Variants in SPOCK3 observed in about 807,000 individuals in gnomAD.
SPOCK3 encodes the protein testican-3.
Under a neutral mutation model 56.6 loss-of-function variants are expected in SPOCK3, and 30 were observed. The ratio of observed to expected loss-of-function variants is 0.53; its 90% CI spans 0.40 to 0.72. The LOEUF (loss-of-function observed/expected upper bound fraction) is 0.72. SPOCK3 is among the 30% of genes least tolerant of loss of function. The pLI is 0.00. For missense variants in SPOCK3, 527 were observed against 530.0 expected, an observed-to-expected ratio of 0.99 and a Z score of 0.06; for synonymous variants, 196 against 183.3, an observed-to-expected ratio of 1.07 and a Z score of -0.56.
intron 2 of SPOCK3, among the ~76,000 whole-genome samples, chr4:167,065,059 A>AAAAAAAAAAAAAAAAAAAC (rs1755994414): frequency 6.8e-6 from 1 of 146,200 alleles, no homozygotes; most frequent in Non-Finnish European, 1.5e-5. Context: ...AAAAAAAAAA[A>AAAAAAAAAAAAAAAAAAAC]AGTCAAACGC....
At chr4:166,966,046 C>G (rs1399736313) in intron 4 of SPOCK3, among the ~76,000 whole-genome samples, 1 of 152,032 alleles carries the variant, frequency 6.6e-6, no homozygotes, top group Non-Finnish European at 1.5e-5. Flanking sequence ...GTTACTGACT[C>G]CATAGTTTTG....
At chr4:166,793,116 G>A (rs201670950) in intron 6 of SPOCK3, among the ~76,000 whole-genome samples, 132 of 152,182 alleles carry the variant, frequency 8.7e-4, no homozygotes, top group African/African-American at 3.0e-3. Context: ...TTTAGAGGAC[G>A]TTGTTACTGC....
chr4:166,992,504 CCT>C (rs940025434), intron 4 of SPOCK3, among the ~76,000 whole-genome samples: 4 of 151,990 alleles, frequency 2.6e-5, no homozygotes, highest in Non-Finnish European at 5.9e-5. Flanking sequence ...CAGCTAGTTT[CCT>C]CTTTCTCATA....
chr4:167,037,893 TTTG>T (rs757454587), intron 3 of SPOCK3, among the ~76,000 whole-genome samples: 95 of 152,312 alleles, frequency 6.2e-4, no homozygotes, highest in African/African-American at 2.2e-3. Context: ...TAAAAAACTT[TTTG>T]TTGTTGTTGT....
chr4:167,036,272 G>A (rs1301566056), intron 3 of SPOCK3, among the ~76,000 whole-genome samples: 1 of 152,094 alleles, frequency 6.6e-6, no homozygotes, highest in African/African-American at 2.4e-5. Context: ...TGACTTCACA[G>A]TGCCCTTATC....
At chr4:166,817,258 A>G (rs573597012) in intron 6 of SPOCK3, among the ~76,000 whole-genome samples, 1 of 152,170 alleles carries the variant, frequency 6.6e-6, no homozygotes, top group South Asian at 2.1e-4. Flanking sequence ...TATCTTTTGT[A>G]ATGGGCTGTA....
intron 6 of SPOCK3, among the ~76,000 whole-genome samples, chr4:166,855,748 G>A (rs897368547): frequency 1.3e-5 from 2 of 152,042 alleles, no homozygotes; most frequent in African/African-American, 4.8e-5. Context: ...ACAAATTTCT[G>A]GACCCCTGTT....
intron 6 of SPOCK3, among the ~76,000 whole-genome samples, chr4:166,814,495 A>G (rs1477566553): frequency 6.6e-6 from 1 of 152,058 alleles, no homozygotes; most frequent in African/African-American, 2.4e-5. Context: ...AGCAGGTAGG[A>G]AAAGGTGGGA....
chr4:166,942,370 C>T (rs1031037542), intron 4 of SPOCK3, among the ~76,000 whole-genome samples: 74 of 151,680 alleles, frequency 4.9e-4, no homozygotes, highest in African/African-American at 1.7e-3. Context: ...AACACCATAC[C>T]CAGCTAATTT....
At chr4:166,931,139 G>A (rs967436798) in intron 4 of SPOCK3, among the ~76,000 whole-genome samples, 1 of 152,048 alleles carries the variant, frequency 6.6e-6, no homozygotes, top group Non-Finnish European at 1.5e-5. Context: ...CCGCCACCAC[G>A]CCCAGCTAAT....
intron 6 of SPOCK3, among the ~76,000 whole-genome samples, chr4:166,833,120 T>C (rs947677546): frequency 3.9e-5 from 6 of 152,238 alleles, no homozygotes; most frequent in Non-Finnish European, 8.8e-5. Context: ...TCTTTTTAAT[T>C]TCACTTGTGA....
chr4:166,812,882 T>C (rs886652518), intron 6 of SPOCK3, among the ~76,000 whole-genome samples: 9 of 152,076 alleles, frequency 5.9e-5, no homozygotes, highest in Non-Finnish European at 1.3e-4. Context: ...ATTGGTCACA[T>C]GCTATCATCA....
intron 2 of SPOCK3, among the ~76,000 whole-genome samples, chr4:167,128,180 G>A (rs530074131): frequency 1.1e-4 from 17 of 151,828 alleles, no homozygotes; most frequent in African/African-American, 2.7e-4. Context: ...CTTTTTCCCC[G>A]AATACTCAAG....
chr4:167,049,495 C>A (rs981556888), intron 3 of SPOCK3, among the ~76,000 whole-genome samples: 2 of 152,102 alleles, frequency 1.3e-5, no homozygotes, highest in African/African-American at 4.8e-5. Context: ...CAGATTATAT[C>A]ACCTCTTTTT....
At chr4:166,977,077 C>CA (rs1746031296) in intron 4 of SPOCK3, among the ~76,000 whole-genome samples, 1 of 151,944 alleles carries the variant, frequency 6.6e-6, no homozygotes, top group Admixed American at 6.6e-5. Flanking sequence ...TTTATTGTCA[C>CA]AAAAAACAGA....
intron 8 of SPOCK3, among the ~76,000 whole-genome samples, chr4:166,748,084 C>T (rs939995459): frequency 6.6e-6 from 1 of 151,740 alleles, no homozygotes; most frequent in East Asian, 1.9e-4. Context: ...AGATTCAATG[C>T]CATCCCCTTC....
chr4:166,792,408 G>T (rs1302975400), intron 6 of SPOCK3, 119 bp from the exon 7 acceptor site: 4 of 1,034,142 alleles, frequency 3.9e-6, no homozygotes, highest in Admixed American at 2.6e-5. Context: ...AGGTGTGACT[G>T]CATTTCAGCT....
intron 6 of SPOCK3, among the ~76,000 whole-genome samples, chr4:166,807,413 T>A (rs1346798456): frequency 1.3e-5 from 2 of 152,000 alleles, no homozygotes; most frequent in Non-Finnish European, 2.9e-5. Flanking sequence ...AAGTGCAGAG[T>A]GACTGATTAG....
At chr4:166,811,201 C>T (rs923560090) in intron 6 of SPOCK3, among the ~76,000 whole-genome samples, 7 of 151,496 alleles carry the variant, frequency 4.6e-5, no homozygotes, top group Admixed American at 4.6e-4. Context: ...TTTTATTTTA[C>T]ATTTTTATTC....
Sources: gnomAD v4.1 joint callset for allele counts (sites outside exome capture counted in the v4.1 genomes callset) on GRCh38, gnomAD v4.1.1 for gene constraint, MANE v1.5 for transcripts, NCBI Gene and HGNC (gene_info 2026-07-23, HGNC 2026-07-21) for gene names.